The following UBE2E2 variants were observed in gnomAD, a reference collection of about 807,000 sequenced individuals.
UBE2E2 encodes the protein ubiquitin-conjugating enzyme E2 E2.
Under a neutral mutation model 24.7 loss-of-function variants are expected in UBE2E2, and 6 were observed. The ratio of observed to expected loss-of-function variants is 0.24; its 90% CI spans 0.13 to 0.48. UBE2E2 has a LOEUF of 0.48. UBE2E2 is among the 20% of genes least tolerant of loss of function. UBE2E2 has a pLI of 0.99. For missense variants in UBE2E2, 169 were observed against 245.0 expected, an observed-to-expected ratio of 0.69 and a Z score of 2.07; for synonymous variants, 104 against 83.6, an observed-to-expected ratio of 1.24 and a Z score of -1.33.
intron 5 of UBE2E2, among the ~76,000 whole-genome samples, chr3:23,560,347 C>G (rs1444176325): frequency 4.0e-5 from 6 of 151,794 alleles, no homozygotes; most frequent in African/African-American, 1.2e-4. Flanking sequence ...ATAGTTTGCT[C>G]AGAATGATGG....
chr3:23,284,932 A>G (rs1698577426), intron 3 of UBE2E2, among the ~76,000 whole-genome samples: 1 of 131,318 alleles, frequency 7.6e-6, no homozygotes, highest in Non-Finnish European at 1.6e-5. Flanking sequence ...TTTTTTTTTC[A>G]TTTTTCTATA....
At chr3:23,304,270 A>C (rs1294794088) in intron 3 of UBE2E2, among the ~76,000 whole-genome samples, 2 of 152,170 alleles carry the variant, frequency 1.3e-5, no homozygotes, top group Non-Finnish European at 2.9e-5. Flanking sequence ...AAACATAGAG[A>C]CCTTTTAAGT....
intron 3 of UBE2E2, among the ~76,000 whole-genome samples, chr3:23,302,348 G>T (rs933976603): frequency 6.6e-6 from 1 of 152,138 alleles, no homozygotes; most frequent in Non-Finnish European, 1.5e-5. Context: ...ATTACTACAA[G>T]TTAGGAAAGT....
chr3:23,285,809 C>T (rs977803395), intron 3 of UBE2E2, among the ~76,000 whole-genome samples: 9 of 152,164 alleles, frequency 5.9e-5, no homozygotes, highest in Admixed American at 5.9e-4. Flanking sequence ...TTCTGTTTCT[C>T]AGCCACTCGA....
At chr3:23,373,550 G>A (rs1020942077) in intron 3 of UBE2E2, among the ~76,000 whole-genome samples, 3 of 152,298 alleles carry the variant, frequency 2.0e-5, no homozygotes, top group East Asian at 1.9e-4. Context: ...GAGGGAGACC[G>A]AGATTTCACT....
intron 5 of UBE2E2, among the ~76,000 whole-genome samples, chr3:23,582,885 GT>G: frequency 6.8e-6 from 1 of 147,246 alleles, no homozygotes. Flanking sequence ...GTGTGTGTGT[GT>G]GTGTGTGTTG....
chr3:23,473,364 G>T (rs756740224), intron 3 of UBE2E2, among the ~76,000 whole-genome samples: 19 of 151,794 alleles, frequency 1.3e-4, no homozygotes, highest in African/African-American at 4.6e-4. Flanking sequence ...TATCCCCAGG[G>T]GTCAAAAAAA....
chr3:23,245,140 A>G (rs981131053), intron 3 of UBE2E2, among the ~76,000 whole-genome samples: 3 of 152,236 alleles, frequency 2.0e-5, no homozygotes, highest in Non-Finnish European at 2.9e-5. Context: ...AAAAGATGAG[A>G]TAGTGGAAAG....
At chr3:23,502,615 A>G (rs911922224) in intron 4 of UBE2E2, among the ~76,000 whole-genome samples, 1 of 152,138 alleles carries the variant, frequency 6.6e-6, no homozygotes, top group African/African-American at 2.4e-5. Flanking sequence ...CCACTGCCCA[A>G]TTTTTTAAAA....
At chr3:23,263,244 TTTTA>T (rs1269001181) in intron 3 of UBE2E2, among the ~76,000 whole-genome samples, 1 of 152,224 alleles carries the variant, frequency 6.6e-6, no homozygotes, top group African/African-American at 2.4e-5. Context: ...CATAGGTTTC[TTTTA>T]TTTATTTAAA....
chr3:23,524,598 A>G (rs1163603520), intron 4 of UBE2E2, among the ~76,000 whole-genome samples: 2 of 152,196 alleles, frequency 1.3e-5, no homozygotes, highest in African/African-American at 4.8e-5. Flanking sequence ...CAACTCATGG[A>G]TCATGGAACT....
intron 3 of UBE2E2, among the ~76,000 whole-genome samples, chr3:23,291,865 T>TTTC (rs1698775550): frequency 7.4e-6 from 1 of 134,586 alleles, no homozygotes; most frequent in Non-Finnish European, 1.6e-5. Flanking sequence ...TTTTTTTTTT[T>TTTC]TTTTTTTTTT....
intron 3 of UBE2E2, among the ~76,000 whole-genome samples, chr3:23,250,172 A>G (rs938050602): frequency 6.6e-6 from 1 of 152,206 alleles, no homozygotes; most frequent in Non-Finnish European, 1.5e-5. Context: ...CAATATAGTC[A>G]CAATTAGAAA....
intron 5 of UBE2E2, among the ~76,000 whole-genome samples, chr3:23,563,777 A>T (rs1695994009): frequency 6.6e-6 from 1 of 152,138 alleles, no homozygotes; most frequent in African/African-American, 2.4e-5. Flanking sequence ...AATTAAAAGG[A>T]TCATTTATTC....
intron 3 of UBE2E2, among the ~76,000 whole-genome samples, chr3:23,326,593 C>CA (rs1031562664): frequency 6.6e-6 from 1 of 151,774 alleles, no homozygotes; most frequent in Non-Finnish European, 1.5e-5. Context: ...ATATCCTATA[C>CA]AAAAAAAAGT....
rs142876432 is a variant in UBE2E2 at position 23,524,563 on chromosome 3, A to G, written c.361-7991A>G. The stretch of plus-strand genomic sequence containing the variant: ...TCCAGCCCAAGTCCAGCTAACTCCC[A>G]AACCCATATATTCTTTCCACAATAC... On this transcript the variant is annotated intron_variant, in intron 4 of 5. Coordinates refer to ENST00000396703, the MANE Select transcript of UBE2E2 (RefSeq NM_152653.4). Among the ~76,000 whole-genome samples the G allele has an allele frequency of 2.0e-5, 3 of 152,332 alleles. 1 individual carries two copies. The highest frequency in any genetic ancestry group is 7.2e-5 in the African/African-American group (3 of 41,586).
intron 3 of UBE2E2, among the ~76,000 whole-genome samples, chr3:23,268,787 A>T (rs1692131172): frequency 2.0e-5 from 3 of 150,300 alleles, no homozygotes; most frequent in African/African-American, 4.9e-5. Context: ...GCATCACGCT[A>T]CCTGACTTCA....
At chr3:23,445,510 C>T (rs1575634753) in intron 3 of UBE2E2, among the ~76,000 whole-genome samples, 1 of 152,166 alleles carries the variant, frequency 6.6e-6, no homozygotes, top group South Asian at 2.1e-4. Flanking sequence ...TATACTGCTC[C>T]GGTTGTTCTC....
At chr3:23,526,591 A>G (rs1695004370) in intron 4 of UBE2E2, among the ~76,000 whole-genome samples, 1 of 151,614 alleles carries the variant, frequency 6.6e-6, no homozygotes, top group African/African-American at 2.4e-5. Flanking sequence ...GTATTGAAGT[A>G]GGAATATGAT....
Sources: gnomAD v4.1 joint callset for allele counts (sites outside exome capture counted in the v4.1 genomes callset) on GRCh38, gnomAD v4.1.1 for gene constraint, MANE v1.5 for transcripts, NCBI Gene and HGNC (gene_info 2026-07-23, HGNC 2026-07-21) for gene names.